SHLD1: variants seen among roughly 807,000 people sequenced by gnomAD.
SHLD1 encodes shieldin complex subunit 1.
SHLD1 carries 3 observed loss-of-function variants against 5.5 expected under a neutral mutation model. The ratio of observed to expected loss-of-function variants is 0.54; its 90% CI spans 0.25 to 1.40. The LOEUF is 1.40. Ranked by LOEUF, SHLD1 falls within the 40% of genes most tolerant of loss-of-function variation. The probability of loss-of-function intolerance (pLI) is 0.15; values close to 1 mark genes in which losing one functional copy is unlikely to be tolerated. For missense variants in SHLD1, 210 were observed against 244.4 expected (o/e 0.86, Z 0.94); for synonymous variants, 92 against 94.3 (o/e 0.98, Z 0.14).
intron 2 of SHLD1, among the ~76,000 whole-genome samples, chr20:5,856,549 G>A (rs1472872359): frequency 6.6e-6 from 1 of 152,196 alleles, no homozygotes; most frequent in Non-Finnish European, 1.5e-5. Flanking sequence ...ATGGCCCATG[G>A]CCCCTCATAT....
At chr20:5,828,171 TC>T (rs1407398139) in intron 2 of SHLD1, among the ~76,000 whole-genome samples, 2 of 152,194 alleles carry the variant, frequency 1.3e-5, no homozygotes, top group South Asian at 4.1e-4. Context: ...CACTGTCATC[TC>T]CTCTGGGGAC....
At chr20:5,842,567 CGTT>C (rs1380876079) in intron 2 of SHLD1, among the ~76,000 whole-genome samples, 22 of 152,332 alleles carry the variant, frequency 1.4e-4, no homozygotes, top group East Asian at 5.8e-4. Flanking sequence ...CCCATTAACT[CGTT>C]GTCTCATTGT....
chr20:5,791,454 C>T (rs898761451), intron 2 of SHLD1, among the ~76,000 whole-genome samples: 3 of 149,786 alleles, frequency 2.0e-5, no homozygotes, highest in African/African-American at 7.4e-5. Flanking sequence ...GTCCCAGCTA[C>T]TTCGGGAACT....
rs1009499902 is a variant in SHLD1, at chr20:5,864,117, C to G, written c.*654C>G. 2.0e-5 allele frequency among the ~76,000 whole-genome samples: 3 copies of G among 152,126 alleles called. No individual in the cohort carries two copies. Among genetic ancestry groups the G allele is most frequent in the African/African-American group, 7.2e-5 (3 of 41,418 alleles). On this transcript the variant is annotated 3_prime_UTR_variant, in exon 3 of 3. Transcript: ENST00000303142. Reference sequence around the variant, plus strand: ...TACAGTTGAGAAAAGTATATCACATCTTGATCACACCCTTGCCTCCTCTCC... The same window carrying G: ...TACAGTTGAGAAAAGTATATCACATGTTGATCACACCCTTGCCTCCTCTCC...
intron 2 of SHLD1, among the ~76,000 whole-genome samples, chr20:5,783,749 G>A (rs4813776): frequency 0.19 from 29,635 of 152,100 alleles, 3,070 homozygotes; most frequent in Non-Finnish European, 0.23. Flanking sequence ...GGAACTACAA[G>A]TTTGAGATTG....
At chr20:5,757,978 AT>A (rs1984218569) in intron 1 of SHLD1, among the ~76,000 whole-genome samples, 2 of 152,108 alleles carry the variant, frequency 1.3e-5, no homozygotes, top group African/African-American at 2.4e-5. Context: ...TGATCCTCTT[AT>A]ATGTTGCTAG....
intron 2 of SHLD1, among the ~76,000 whole-genome samples, chr20:5,791,293 A>G (rs1003799805): frequency 1.2e-4 from 18 of 151,478 alleles, no homozygotes; most frequent in Admixed American, 1.1e-3. Context: ...AGTTGGGCAC[A>G]GTGGCTTCCA....
chr20:5,840,811 G>A (rs1173727578), intron 2 of SHLD1, among the ~76,000 whole-genome samples: 1 of 152,162 alleles, frequency 6.6e-6, no homozygotes, highest in Non-Finnish European at 1.5e-5. Flanking sequence ...TATGTTGGTT[G>A]TAACTAAAAA....
chr20:5,802,250 C>CTTTGCTTT (rs76947247), intron 2 of SHLD1, among the ~76,000 whole-genome samples: 35,796 of 151,944 alleles, frequency 0.24, 4,315 homozygotes, highest in Middle Eastern at 0.32. Context: ...TTGCTCTTTG[C>CTTTGCTTT]ACCTTCTCAG....
In SHLD1 at chr20:5,773,159, T is replaced by G. The variant is rs1314358866; in HGVS notation, c.178+116T>G. The G allele has an allele frequency of 6.5e-6, 8 of 1,222,752 alleles. No homozygotes were observed. In the African/African-American group the frequency reaches 9.0e-5, roughly 14 times the overall value. The allele number at this position is 1,222,752 out of a possible 1,614,324, so 75.7% of individuals were successfully genotyped here. On this transcript the variant is annotated intron_variant, in intron 2 of 2. Coordinates refer to ENST00000303142, the MANE Select transcript of SHLD1 (RefSeq NM_152504.4). Reference sequence around the variant, plus strand: ...GATCTCTGAGAATGCTTCATTGTCTTAGGCAGAAAAACATCTTACCTAAGC... The same window carrying G: ...GATCTCTGAGAATGCTTCATTGTCTGAGGCAGAAAAACATCTTACCTAAGC...
intron 2 of SHLD1, among the ~76,000 whole-genome samples, chr20:5,852,720 G>A (rs2088027988): frequency 6.6e-6 from 1 of 152,202 alleles, no homozygotes; most frequent in Non-Finnish European, 1.5e-5. Flanking sequence ...AAAGTGCTGG[G>A]ATTACAGGCG....
chr20:5,837,464 C>A (rs1459362450), intron 2 of SHLD1, among the ~76,000 whole-genome samples: 1 of 151,772 alleles, frequency 6.6e-6, no homozygotes, highest in East Asian at 1.9e-4. Flanking sequence ...CCTCCCCCCA[C>A]ACACCCCCCA....
intron 2 of SHLD1, among the ~76,000 whole-genome samples, chr20:5,836,479 C>T (rs753470329): frequency 3.9e-5 from 6 of 152,214 alleles, no homozygotes; most frequent in Admixed American, 2.0e-4. Flanking sequence ...TTCCTGCACT[C>T]CCCCTTGCTC....
intron 2 of SHLD1, among the ~76,000 whole-genome samples, chr20:5,808,525 C>T (rs1171231657): frequency 6.6e-6 from 1 of 152,216 alleles, no homozygotes; most frequent in African/African-American, 2.4e-5. Context: ...TATAATAAGG[C>T]AGCTTGCCAT....
intron 1 of SHLD1, among the ~76,000 whole-genome samples, chr20:5,751,452 G>A (rs917604587): frequency 9.2e-5 from 14 of 152,058 alleles, no homozygotes; most frequent in African/African-American, 3.1e-4. Context: ...GACTACAGGC[G>A]CCTGCCACCA....
At chr20:5,791,380 A>G (rs2087137151) in intron 2 of SHLD1, among the ~76,000 whole-genome samples, 1 of 152,032 alleles carries the variant, frequency 6.6e-6, no homozygotes, top group Non-Finnish European at 1.5e-5. Context: ...TCTGGGTAAC[A>G]TGGCGAAACC....
intron 2 of SHLD1, among the ~76,000 whole-genome samples, chr20:5,788,093 A>T (rs1210422628): frequency 2.0e-5 from 3 of 152,210 alleles, no homozygotes; most frequent in African/African-American, 7.2e-5. Flanking sequence ...TATTTCTGTA[A>T]TAACCATGTA....
chr20:5,832,792 C>A (rs919613473), intron 2 of SHLD1, among the ~76,000 whole-genome samples: 38 of 134,086 alleles, frequency 2.8e-4, no homozygotes, highest in African/African-American at 1.0e-3. Context: ...AGCTGGAAAT[C>A]AAAATAATAA....
At position 5,824,566 on chromosome 20, in the gene SHLD1, ATAAT is replaced by A. The variant is rs1335246193; in HGVS notation, c.179-38451_179-38448del. Among the ~76,000 whole-genome samples, 4 of 151,982 alleles carry A rather than the reference ATAAT, an allele frequency of 2.6e-5. 1 individual carries two copies. The highest frequency in any genetic ancestry group is 1.9e-4 in the East Asian group (1 of 5,166). ...TCAGGAAATTTGTGCAAAATGATGA[ATAAT>A]TAATTATTATTTCTCTTCTATGATC... On this transcript the variant is annotated intron_variant, in intron 2 of 2. Coordinates refer to ENST00000303142, the MANE Select transcript of SHLD1 (RefSeq NM_152504.4).
Sources: gnomAD v4.1 joint callset for allele counts (sites outside exome capture counted in the v4.1 genomes callset) on GRCh38, gnomAD v4.1.1 for gene constraint, MANE v1.5 for transcripts, NCBI Gene and HGNC (gene_info 2026-07-23, HGNC 2026-07-21) for gene names.